The following PTPRD variants were observed in gnomAD, a reference collection of about 807,000 sequenced individuals.
The protein encoded by PTPRD is protein tyrosine phosphatase receptor type D, also known as receptor-type tyrosine-protein phosphatase delta.
A neutral mutation model predicts 214.5 loss-of-function variants in PTPRD; 34 were observed. The ratio of observed to expected loss-of-function variants is 0.16; its 90% CI spans 0.12 to 0.21. The LOEUF (loss-of-function observed/expected upper bound fraction) is 0.21, where lower values mean the gene tolerates loss of function less well. Among genes scored for constraint, PTPRD ranks in the 10% least tolerant of loss-of-function variants. The probability of loss-of-function intolerance (pLI) is 1.00; values close to 1 mark genes in which losing one functional copy is unlikely to be tolerated. For missense variants in PTPRD, 2,545 were observed against 2,398.7 expected (o/e 1.06, Z -1.27); for synonymous variants, 1,128 against 845.7 (o/e 1.33, Z -5.79).
chr9:9,109,089 G>C (rs974144488), intron 10 of PTPRD, among the ~76,000 whole-genome samples: 1 of 152,088 alleles, frequency 6.6e-6, no homozygotes, highest in Non-Finnish European at 1.5e-5. Flanking sequence ...GTTTTGATGA[G>C]TTCCTTCCTT....
rs754066760 is a variant in PTPRD, at chr9:8,315,298, T to G, written c.*2576A>C. On this transcript the variant is annotated 3_prime_UTR_variant, in exon 46 of 46. Coordinates refer to ENST00000381196, the MANE Select transcript of PTPRD (RefSeq NM_002839.4). ...ATGCATCCCATTCATTTTCTTCTTC[T>G]GATTATTGTCATCTTTCCCTTTGCC... 1 of 232,658 alleles carries G rather than the reference T, an allele frequency of 4.3e-6. No individual in the cohort carries two copies. Among genetic ancestry groups the G allele is most frequent in the African/African-American group, 2.2e-5 (1 of 45,286 alleles). 14.4% of individuals were successfully genotyped at this position (232,658 alleles called of 1,614,324 possible).
intron 5 of PTPRD, among the ~76,000 whole-genome samples, chr9:9,921,597 G>A (rs894774922): frequency 6.7e-6 from 1 of 149,912 alleles, no homozygotes; most frequent in Non-Finnish European, 1.5e-5. Context: ...TTACTGCTCA[G>A]GGGAAAAAAA....
chr9:9,638,135 AT>A (rs776993569), intron 7 of PTPRD, among the ~76,000 whole-genome samples: 1 of 152,050 alleles, frequency 6.6e-6, no homozygotes, highest in Non-Finnish European at 1.5e-5. Context: ...CAAACCTGTG[AT>A]TTTTTCCTCT....
At chr9:9,109,376 T>C (rs2099802966) in intron 10 of PTPRD, among the ~76,000 whole-genome samples, 1 of 152,158 alleles carries the variant, frequency 6.6e-6, no homozygotes, top group South Asian at 2.1e-4. Flanking sequence ...CAGTAAGCTC[T>C]GAGATGAAAT....
intron 11 of PTPRD, among the ~76,000 whole-genome samples, chr9:8,837,658 C>G (rs1458931612): frequency 1.3e-5 from 2 of 151,898 alleles, no homozygotes; most frequent in African/African-American, 2.4e-5. Flanking sequence ...CACCATGCCT[C>G]GCTAAACTTT....
chr9:9,047,995 TG>T (rs1486224740), intron 10 of PTPRD, among the ~76,000 whole-genome samples: 1 of 152,118 alleles, frequency 6.6e-6, no homozygotes, highest in Non-Finnish European at 1.5e-5. Flanking sequence ...GCAAAATATT[TG>T]AATAGACATT....
chr9:9,157,202 T>A (rs1355283670), intron 10 of PTPRD, among the ~76,000 whole-genome samples: 1 of 151,912 alleles, frequency 6.6e-6, no homozygotes, highest in African/African-American at 2.4e-5. Flanking sequence ...ATAAACAATA[T>A]AATGTTACAC....
chr9:9,246,995 T>C (rs928753438), intron 9 of PTPRD, among the ~76,000 whole-genome samples: 7 of 89,732 alleles, frequency 7.8e-5, no homozygotes, highest in Non-Finnish European at 1.6e-4. Context: ...CCACTCATTT[T>C]CCCCGAGTGA....
chr9:8,952,432 T>A (rs2099107527), intron 11 of PTPRD, among the ~76,000 whole-genome samples: 1 of 151,968 alleles, frequency 6.6e-6, no homozygotes, highest in Non-Finnish European at 1.5e-5. Context: ...ATGTTTTACC[T>A]TTACCCTTAA....
At chr9:9,849,065 A>G (rs2060068259) in intron 5 of PTPRD, among the ~76,000 whole-genome samples, 1 of 151,410 alleles carries the variant, frequency 6.6e-6, no homozygotes, top group South Asian at 2.1e-4. Flanking sequence ...ACATAGACAC[A>G]CCCTGTTTTA....
chr9:10,476,194 G>A lies in PTPRD; in HGVS notation c.-599-135177C>T, dbSNP rs141444518. 4.7e-3 allele frequency among the ~76,000 whole-genome samples: 718 copies of A among 152,210 alleles called. 10 individuals are homozygous for A. Among genetic ancestry groups the A allele is most frequent in the African/African-American group, 0.017 (686 of 41,540 alleles). ...AAATGGGAAAAGAGGAAGTCAAATTGTCTCTGTTTGCAGATGACATGATTG... is the reference window on the plus strand; with the variant it reads ...AAATGGGAAAAGAGGAAGTCAAATTATCTCTGTTTGCAGATGACATGATTG... On this transcript the variant is annotated intron_variant, in intron 2 of 45. Coordinates refer to ENST00000381196, the MANE Select transcript of PTPRD (RefSeq NM_002839.4).
At chr9:8,531,940 T>A (rs1816331582) in intron 14 of PTPRD, among the ~76,000 whole-genome samples, 1 of 152,104 alleles carries the variant, frequency 6.6e-6, no homozygotes, top group South Asian at 2.1e-4. Flanking sequence ...TACATTTTCA[T>A]GACCTTTCTC....
At chr9:10,216,269 G>A (rs1158557907) in intron 3 of PTPRD, among the ~76,000 whole-genome samples, 1 of 151,772 alleles carries the variant, frequency 6.6e-6, no homozygotes, top group African/African-American at 2.4e-5. Flanking sequence ...CCTCACTGCA[G>A]TTTCAGTCTT....
chr9:10,277,176 T>TAA (rs2094748627), intron 3 of PTPRD, among the ~76,000 whole-genome samples: 2 of 151,518 alleles, frequency 1.3e-5, no homozygotes, highest in South Asian at 2.1e-4. Context: ...TTTGGTTTAG[T>TAA]AAAAAAACAA....
At chr9:9,476,898 A>G (rs10977806) in intron 8 of PTPRD, among the ~76,000 whole-genome samples, 104,639 of 151,276 alleles carry the variant, frequency 0.69, 36,224 homozygotes, top group South Asian at 0.73. Flanking sequence ...ACCATGCCTG[A>G]CTAATTTTGT....
intron 10 of PTPRD, among the ~76,000 whole-genome samples, chr9:9,113,366 C>G (rs575928588): frequency 4.3e-4 from 66 of 152,106 alleles, no homozygotes; most frequent in African/African-American, 1.3e-3. Context: ...TATGCAGTGA[C>G]CACACACAAG....
At chr9:10,252,282 T>A (rs529115086) in intron 3 of PTPRD, among the ~76,000 whole-genome samples, 8 of 152,284 alleles carry the variant, frequency 5.3e-5, no homozygotes, top group Admixed American at 3.3e-4. Context: ...AATGCAATAG[T>A]GTCTGTGTGC....
Position 9,188,804 on chromosome 9 carries a change from T to C in PTPRD, c.-202-5441A>G, listed in dbSNP as rs1483379394. On this transcript the variant is annotated intron_variant, in intron 9 of 45. Transcript: ENST00000381196. ...CTGGTCACAGAATTTTAGTGCAAAA[T>C]AAATTGTGTGTGTGTGTGTGTGTGT... 4.9e-4 allele frequency among the ~76,000 whole-genome samples: 45 copies of C among 91,696 alleles called. No individual in the cohort carries two copies. The Admixed American group carries it at 6.2e-3, about 13-fold the overall frequency. The allele number at this position is 91,696 out of a possible 152,430, so 60.2% of individuals were successfully genotyped here. A position where few individuals can be genotyped will look rare whatever the true frequency, so the allele number is the denominator to read the frequency against.
intron 2 of PTPRD, among the ~76,000 whole-genome samples, chr9:10,409,619 A>T (rs1197387681): frequency 1.3e-5 from 2 of 151,870 alleles, no homozygotes; most frequent in African/African-American, 4.8e-5. Context: ...TTATGCATAT[A>T]CATTGTGGTT....
Sources: allele counts gnomAD v4.1 joint callset (sites outside exome capture counted in the v4.1 genomes callset), GRCh38; gene constraint gnomAD v4.1.1; transcripts MANE v1.5; gene names NCBI Gene and HGNC (gene_info 2026-07-23, HGNC 2026-07-21).